CDH18: variants seen among roughly 807,000 people sequenced by gnomAD.
CDH18 encodes the protein cadherin 18.
CDH18 carries 31 observed loss-of-function variants against 67.9 expected under a neutral mutation model. The observed-to-expected ratio is 0.46, with a 90% confidence interval of 0.34 to 0.62. The LOEUF is 0.62. Ranked by LOEUF, CDH18 falls within the 20% of genes least tolerant of loss-of-function variation. CDH18 has a pLI of 0.01. For missense variants in CDH18, 890 were observed against 975.5 expected (o/e 0.91, Z 1.17); for synonymous variants, 362 against 347.2 (o/e 1.04, Z -0.48).
At chr5:19,506,989 T>G (rs1744294462) in intron 10 of CDH18, among the ~76,000 whole-genome samples, 1 of 152,076 alleles carries the variant, frequency 6.6e-6, no homozygotes, top group South Asian at 2.1e-4. Context: ...GGGAGAAAAT[T>G]TTTGCAATCT....
intron 1 of CDH18, among the ~76,000 whole-genome samples, chr5:20,421,127 C>T (rs1415768485): frequency 1.3e-5 from 2 of 151,038 alleles, no homozygotes; most frequent in African/African-American, 2.5e-5. Context: ...TCACCAAGAA[C>T]TCAGGCATTT....
rs187208759 is a variant in CDH18 at position 19,928,384 on chromosome 5, C to T, written c.-257+52676G>A. Among the ~76,000 whole-genome samples the T allele has an allele frequency of 2.0e-5, 3 of 152,222 alleles. No individual in the cohort carries two copies. The East Asian group carries it at 5.8e-4, about 30-fold the overall frequency. On this transcript the variant is annotated intron_variant, in intron 2 of 12. Coordinates refer to ENST00000382275, the MANE Select transcript of CDH18 (RefSeq NM_004934.5). ...AAAGCATTATACAAAAACTATGAGA[C>T]TTTGCTAAACAAAATAAAAGATGGG...
chr5:20,135,642 T>A (rs1180698558), intron 2 of CDH18, among the ~76,000 whole-genome samples: 1 of 152,198 alleles, frequency 6.6e-6, no homozygotes, highest in Admixed American at 6.5e-5. Flanking sequence ...AGCTTTTGAA[T>A]GTGTTTGCTC....
chr5:20,495,564 T>A (rs1753855700), intron 1 of CDH18, among the ~76,000 whole-genome samples: 1 of 152,090 alleles, frequency 6.6e-6, no homozygotes, highest in Admixed American at 6.6e-5. Flanking sequence ...TTGAAAGTGC[T>A]CCTCCCAAAG....
At chr5:20,254,030 G>A (rs2102434) in intron 2 of CDH18, among the ~76,000 whole-genome samples, 74,026 of 152,070 alleles carry the variant, frequency 0.49, 18,449 homozygotes, top group African/African-American at 0.61. Context: ...GTCATGTACA[G>A]AAACCCATGA....
intron 3 of CDH18, among the ~76,000 whole-genome samples, chr5:19,767,903 A>G (rs919662581): frequency 6.6e-6 from 1 of 152,174 alleles, no homozygotes; most frequent in Non-Finnish European, 1.5e-5. Context: ...GTATATAAGA[A>G]AGAAAAATGT....
At position 19,994,855 on chromosome 5, in the gene CDH18, T is replaced by TGGAGAGAGAG. The variant is rs1554078403; in HGVS notation, c.-517-2842_-517-2841insCTCTCTCTCC. Among the ~76,000 whole-genome samples, 2 of 67,586 alleles carry TGGAGAGAGAG rather than the reference T, an allele frequency of 3.0e-5. 1 individual carries two copies. Among genetic ancestry groups the TGGAGAGAGAG allele is most frequent in the Non-Finnish European group, 5.1e-5 (2 of 39,466 alleles). 44.3% of individuals were successfully genotyped at this position (67,586 alleles called of 152,430 possible). ...ATATATATATATATATATATATATA[T>TGGAGAGAGAG]AGAGAGAGAGAGAGAGAGAGAGATG... On this transcript the variant is annotated intron_variant, in intron 2 of 14. Transcript: ENST00000507958.
chr5:19,829,920 C>CA, intron 3 of CDH18, among the ~76,000 whole-genome samples: 1 of 152,062 alleles, frequency 6.6e-6, no homozygotes, highest in African/African-American at 2.4e-5. Context: ...ACAAAGTCGA[C>CA]AAAAAACAAG....
intron 1 of CDH18, among the ~76,000 whole-genome samples, chr5:20,430,210 C>T (rs982687658): frequency 8.5e-5 from 13 of 152,088 alleles, no homozygotes; most frequent in African/African-American, 2.7e-4. Context: ...TTATTAACAG[C>T]GTACTATGAA....
chr5:19,828,425 A>G (rs944377320), intron 3 of CDH18, among the ~76,000 whole-genome samples: 2 of 126,742 alleles, frequency 1.6e-5, no homozygotes, highest in Non-Finnish European at 3.5e-5. Context: ...AACAACAGCA[A>G]CAACAACAAC....
chr5:20,007,329 G>A (rs1232981870), intron 2 of CDH18, among the ~76,000 whole-genome samples: 2 of 151,394 alleles, frequency 1.3e-5, no homozygotes, highest in East Asian at 2.0e-4. Flanking sequence ...GATCTGACAC[G>A]TAGCAAAAAT....
At chr5:20,353,188 C>G (rs1268032970) in intron 1 of CDH18, among the ~76,000 whole-genome samples, 2 of 152,080 alleles carry the variant, frequency 1.3e-5, no homozygotes, top group Non-Finnish European at 2.9e-5. Flanking sequence ...CTCCACTTTG[C>G]TTTTCAATTC....
intron 2 of CDH18, among the ~76,000 whole-genome samples, chr5:19,841,785 T>C (rs1782347833): frequency 6.6e-6 from 1 of 152,170 alleles, no homozygotes; most frequent in Non-Finnish European, 1.5e-5. Context: ...TACAGATATG[T>C]AAAATGAGTG....
At chr5:19,807,031 G>A (rs1778115610) in intron 3 of CDH18, among the ~76,000 whole-genome samples, 1 of 152,170 alleles carries the variant, frequency 6.6e-6, no homozygotes, top group South Asian at 2.1e-4. Context: ...GGTTACTACA[G>A]ACAATGTTAA....
At chr5:19,575,080 A>T (rs1296810023) in intron 7 of CDH18, among the ~76,000 whole-genome samples, 1 of 152,134 alleles carries the variant, frequency 6.6e-6, no homozygotes, top group Non-Finnish European at 1.5e-5. Flanking sequence ...ACTGATGCTC[A>T]TACTTAATGA....
chr5:20,077,650 G>A (rs1395157819), intron 2 of CDH18, among the ~76,000 whole-genome samples: 1 of 152,070 alleles, frequency 6.6e-6, no homozygotes, highest in Non-Finnish European at 1.5e-5. Flanking sequence ...AACTTCAGAA[G>A]AAAAAATAAG....
Position 20,075,129 on chromosome 5 carries a change from C to A in CDH18, c.-517-83115G>T, listed in dbSNP as rs114673116. Among the ~76,000 whole-genome samples, 1,052 of 152,204 alleles carry A rather than the reference C, an allele frequency of 6.9e-3. 12 individuals carry two copies. The highest frequency in any genetic ancestry group is 0.024 in the African/African-American group (1,009 of 41,522). On this transcript the variant is annotated intron_variant, in intron 2 of 14. Coordinates refer to the CDH18 transcript ENST00000507958. ...ATTGTGACTTCGGATGTATGTGGGT[C>A]AAACCAAGAAGACTTATATGTAACA... is the stretch of plus-strand genomic sequence containing the variant.
intron 1 of CDH18, among the ~76,000 whole-genome samples, chr5:20,518,979 AAAC>A (rs1191375092): frequency 6.6e-6 from 1 of 152,206 alleles, no homozygotes; most frequent in Non-Finnish European, 1.5e-5. Flanking sequence ...TGGATAGAAG[AAAC>A]AACATCTGAT....
rs558196705 is a variant in CDH18 at position 20,261,190 on chromosome 5, A to G, written c.-579-5685T>C. Reference sequence around the variant, plus strand: ...GTCCCCAAAGAGTCTTTCATTCCATATTATCATTTTGAGAATGTTAGCAAT... The same window carrying G: ...GTCCCCAAAGAGTCTTTCATTCCATGTTATCATTTTGAGAATGTTAGCAAT... On this transcript the variant is annotated intron_variant, in intron 1 of 14. Coordinates refer to the CDH18 transcript ENST00000507958. 2.6e-5 allele frequency among the ~76,000 whole-genome samples: 4 copies of G among 152,312 alleles called. No homozygotes were observed. The East Asian group carries it at 7.7e-4, about 29-fold the overall frequency.
Sources: allele counts gnomAD v4.1 joint callset (sites outside exome capture counted in the v4.1 genomes callset), GRCh38; gene constraint gnomAD v4.1.1; transcripts MANE v1.5; gene names NCBI Gene and HGNC (gene_info 2026-07-23, HGNC 2026-07-21).